Variants in SLF1 observed in about 807,000 individuals in gnomAD.
SLF1 encodes the protein SMC5/6 complex localization factor 1.
In SLF1, 105 loss-of-function variants were observed where a neutral mutation model predicts 123.0. The ratio of observed to expected loss-of-function variants is 0.85; its 90% confidence interval spans 0.73 to 1.00. SLF1 has a LOEUF of 1.00. Ranked by LOEUF, SLF1 falls within the 50% of genes least tolerant of loss-of-function variation. The pLI, the probability that SLF1 is intolerant of heterozygous loss-of-function variation, is 0.00. For missense variants in SLF1, 1,239 were observed against 1,223.0 expected, an observed-to-expected ratio of 1.01 and a Z score of -0.20; for synonymous variants, 434 against 406.6, an observed-to-expected ratio of 1.07 and a Z score of -0.81.
intron 16 of SLF1, 68 bp from the exon 17 acceptor site, chr5:94,688,438 A>G: frequency 1.3e-6 from 2 of 1,488,918 alleles, no homozygotes; most frequent in South Asian, 2.4e-5. Flanking sequence ...TAGTGAAATG[A>G]ATCAAATAAT....
intron 1 of SLF1, among the ~76,000 whole-genome samples, chr5:94,628,132 A>G (rs1744768503): frequency 6.6e-6 from 1 of 151,690 alleles, no homozygotes; most frequent in Non-Finnish European, 1.5e-5. Flanking sequence ...CTCCTGGCCA[A>G]CAATACTTTC....
chr5:94,678,734 G>T (rs1021572880), intron 14 of SLF1, 74 bp from the exon 15 acceptor site: 1 of 1,361,394 alleles, frequency 7.3e-7, no homozygotes, highest in African/African-American at 1.5e-5. Context: ...CCCTCAAAAA[G>T]TATTCAAAAT....
At chr5:94,663,671 T>G in intron 10 of SLF1, 79 bp from the exon 11 acceptor site, 1 of 1,159,822 alleles carries the variant, frequency 8.6e-7, no homozygotes, top group Non-Finnish European at 1.2e-6. Context: ...AAATAAATAA[T>G]AAATTCTTAC....
intron 1 of SLF1, among the ~76,000 whole-genome samples, chr5:94,626,130 G>C (rs1792220949): frequency 6.6e-6 from 1 of 151,716 alleles, no homozygotes. Context: ...GCGGGCGCCT[G>C]TAGTCCCAGC....
chr5:94,662,860 A>G (rs966643791), intron 10 of SLF1, among the ~76,000 whole-genome samples: 9 of 152,098 alleles, frequency 5.9e-5, no homozygotes, highest in Admixed American at 2.0e-4. Context: ...AATTCCATGT[A>G]GTCTTTTAGA....
intron 10 of SLF1, 72 bp downstream of exon 10, chr5:94,662,423 A>T: frequency 7.7e-7 from 1 of 1,306,890 alleles, no homozygotes; most frequent in Admixed American, 2.4e-5. Flanking sequence ...AGTTATTTTG[A>T]ATAAAAGTAA....
chr5:94,662,380 G>C, intron 10 of SLF1, 29 bp downstream of exon 10: 1 of 1,510,034 alleles, frequency 6.6e-7, no homozygotes. Context: ...CATTGGTGAT[G>C]GGGGCAAAGA....
At position 94,688,579 on chromosome 5, in the gene SLF1, T is replaced by C. The variant is rs1344190101; in HGVS notation, c.2195T>C (p.Ile732Thr). The C allele has an allele frequency of 3.1e-6, 5 of 1,614,030 alleles. No homozygotes were observed. The highest frequency in any genetic ancestry group is 1.7e-5 in the Admixed American group (1 of 59,996). ...GGAAAGATTCAGGTGTCAAAGAAAATAGGACAGCGGCCTTGTTTTGACTCT... is the reference window on the plus strand; with the variant it reads ...GGAAAGATTCAGGTGTCAAAGAAAACAGGACAGCGGCCTTGTTTTGACTCT... ...GSGKIQVSKK[I>T]GQRPCFDSQR... is the part of the protein sequence containing the mutation. Residue 732 changes from isoleucine (I) to threonine (T), a missense_variant, in exon 17 of 21, where the codon ATA becomes ACA. Physicochemically the swap from Ile to Thr is moderately conservative, Grantham distance 89. Transcript: ENST00000265140.
At chr5:94,674,618 T>G (rs1420547329) in intron 14 of SLF1, among the ~76,000 whole-genome samples, 1 of 152,228 alleles carries the variant, frequency 6.6e-6, no homozygotes, top group African/African-American at 2.4e-5. Context: ...TTTCTTGATT[T>G]GCTGAGTTGA....
rs1379056991 is a variant in SLF1, at chr5:94,654,696, G to C, written c.1099G>C (p.Asp367His). 8 of 1,544,994 alleles carry C rather than the reference G, an allele frequency of 5.2e-6. No homozygotes were observed. Among genetic ancestry groups the C allele is most frequent in the Middle Eastern group, 1.7e-4 (1 of 5,948 alleles). ...ATCAAAAGCCATGGCTATTAAGACA[G>C]ATGTGGATGTTGTTGAAATAAAAAA... ...KESKAMAIKTDVDVVEIKNTL... is the reference protein window; with the variant it reads ...KESKAMAIKTHVDVVEIKNTL... Residue 367 changes from aspartate to histidine, a missense_variant, in exon 9 of 21, where the codon GAT becomes CAT. By Grantham distance (81) the Asp-to-His change is moderately conservative (BLOSUM62 -1). Coordinates refer to ENST00000265140, the MANE Select transcript of SLF1 (RefSeq NM_032290.4).
At chr5:94,688,784 C>G (rs1441540425) in intron 17 of SLF1, 115 bp downstream of exon 17, 12 of 1,139,942 alleles carry the variant, frequency 1.1e-5, no homozygotes, top group Non-Finnish European at 2.4e-6. Flanking sequence ...CTGATTAGAT[C>G]AAAACTCAAT....
At chr5:94,620,149 G>A (rs949554992) in intron 1 of SLF1, 2 of 152,204 alleles carry the variant, frequency 1.3e-5, no homozygotes, top group Non-Finnish European at 2.9e-5. Flanking sequence ...CAAAGTGCTG[G>A]GATTACAGGC....
At position 94,695,427 on chromosome 5, in the gene SLF1, T is replaced by C; in HGVS notation, c.*115T>C. On this transcript the variant is annotated 3_prime_UTR_variant, in exon 21 of 21. Transcript: ENST00000265140. ...ATTTGATTTATTTATTGACAGACTT[T>C]GCAGCCTTGCTAAATTTTAAAAGCA... 8.0e-7 allele frequency: 1 copy of C among 1,243,016 alleles called. No individual in the cohort carries two copies. Among genetic ancestry groups the C allele is most frequent in the Non-Finnish European group, 1.1e-6 (1 of 949,938 alleles). The allele number at this position is 1,243,016 out of a possible 1,614,324, so 77.0% of individuals were successfully genotyped here.
intron 4 of SLF1, among the ~76,000 whole-genome samples, chr5:94,642,730 T>A (rs1418605289): frequency 6.6e-6 from 1 of 152,220 alleles, no homozygotes; most frequent in Admixed American, 6.5e-5. Context: ...GTCTTCTTAG[T>A]CTAAATGTAA....
chr5:94,630,311 A>G (rs1201114528), intron 3 of SLF1, among the ~76,000 whole-genome samples, 192 bp from the exon 4 acceptor site: 3 of 152,242 alleles, frequency 2.0e-5, no homozygotes, highest in Non-Finnish European at 4.4e-5. Context: ...AAGATTACAT[A>G]CAATGTTCAG....
intron 18 of SLF1, among the ~76,000 whole-genome samples, chr5:94,689,875 G>A (rs1752887608): frequency 6.6e-6 from 1 of 152,042 alleles, no homozygotes; most frequent in Non-Finnish European, 1.5e-5. Context: ...CATTCATTGA[G>A]CTCATTCCAG....
At position 94,695,038 on chromosome 5, in the gene SLF1, C is replaced by A; in HGVS notation, c.2903C>A (p.Ser968Ter). ...AGTAGGATGTTGCTAAATTTTTGTT[C>A]AATTTTTGATTTATCTTCAGAGTTC... ...LLSRMLLNFC[S>*]IFDLSSEFIL... Residue 968 changes from serine (S) to a stop codon, truncating the protein, a stop_gained, in exon 21 of 21, where the codon TCA (serine) becomes TAA (stop). Transcript: ENST00000265140. LOFTEE classifies it high-confidence loss of function. The A allele has an allele frequency of 6.2e-7, 1 of 1,612,082 alleles. No homozygotes were observed. Among genetic ancestry groups the A allele is most frequent in the South Asian group, 1.1e-5 (1 of 90,944 alleles).
At chr5:94,631,057 A>G (rs1202838508) in intron 4 of SLF1, among the ~76,000 whole-genome samples, 1 of 152,218 alleles carries the variant, frequency 6.6e-6, no homozygotes, top group Non-Finnish European at 1.5e-5. Flanking sequence ...AAGCACTTTT[A>G]GACTTTTGGT....
intron 4 of SLF1, among the ~76,000 whole-genome samples, chr5:94,640,313 C>T (rs1483978061): frequency 1.3e-5 from 2 of 151,992 alleles, no homozygotes; most frequent in African/African-American, 4.8e-5. Flanking sequence ...GATTCTCTTC[C>T]ACTTTCTTCT....
Sources: gnomAD v4.1 joint callset for allele counts (sites outside exome capture counted in the v4.1 genomes callset) on GRCh38, gnomAD v4.1.1 for gene constraint, MANE v1.5 for transcripts, NCBI Gene and HGNC (gene_info 2026-07-23, HGNC 2026-07-21) for gene names.